ENTR1: variants seen among roughly 807,000 people sequenced by gnomAD.
The protein encoded by ENTR1 is endosome associated trafficking regulator 1, also known as endosome-associated-trafficking regulator 1.
ENTR1 carries 47 observed loss-of-function variants against 47.9 expected under a neutral mutation model. That is an observed-to-expected ratio of 0.98 (90% confidence interval 0.78 to 1.25). ENTR1 has a LOEUF of 1.25. ENTR1 is among the 50% of genes most tolerant of loss of function. The pLI is 0.00. For missense variants in ENTR1, 668 were observed against 570.5 expected (o/e 1.17, Z -1.74); for synonymous variants, 290 against 245.8 (o/e 1.18, Z -1.68).
chr9:136,409,243 C>T (rs914908648), intron 2 of ENTR1, among the ~76,000 whole-genome samples, 176 bp from the exon 3 acceptor site: 7 of 150,716 alleles, frequency 4.6e-5, no homozygotes, highest in Non-Finnish European at 8.8e-5. Flanking sequence ...TGCAGTGGTG[C>T]GATCTCGGCT....
rs776777519 is a variant in ENTR1 at position 136,402,796 on chromosome 9, C to T, written c.1300G>A (p.Asp434Asn). 1.2e-6 allele frequency: 2 copies of T among 1,612,248 alleles called. No individual in the cohort carries two copies. Among genetic ancestry groups the T allele is most frequent in the Non-Finnish European group, 1.7e-6 (2 of 1,179,208 alleles). Residue 434 changes from aspartate (D) to asparagine (N), a missense_variant, in exon 10 of 10, where the codon GAC (aspartate) becomes AAC (asparagine). By Grantham distance (23) the Asp-to-Asn change is conservative. Coordinates refer to ENST00000357365, the MANE Select transcript of ENTR1 (RefSeq NM_001039707.2). ...AGAACACCCAGGGGTCCTCAAGAGT[C>T]TTCCTCCTCGTCTTTAACTTCAGAA... ...RISEVKDEEEDS is the reference protein window; with the variant it reads ...RISEVKDEEENS
At chr9:136,402,940 C>T (rs1440571903) in intron 9 of ENTR1, 53 bp from the exon 10 acceptor site, 1 of 1,283,298 alleles carries the variant, frequency 7.8e-7, no homozygotes, top group Non-Finnish European at 1.1e-6. Context: ...TCAGCAGCAA[C>T]AGGGTTCTGG....
At chr9:136,404,555 T>C in intron 8 of ENTR1, 76 bp downstream of exon 8, 2 of 1,489,356 alleles carry the variant, frequency 1.3e-6, no homozygotes, top group South Asian at 1.1e-5. Context: ...GCAGAGTCTT[T>C]CGCCTCTTTC....
At chr9:136,410,063 C>A (rs376782744) in intron 2 of ENTR1, 27 bp downstream of exon 2, 1 of 1,612,376 alleles carries the variant, frequency 6.2e-7, no homozygotes. Flanking sequence ...TGGAAGCGTC[C>A]CCGGGGCCGG....
Position 136,407,198 on chromosome 9 carries a change from C to T in ENTR1, c.766G>A (p.Gly256Arg). 6.2e-7 allele frequency: 1 copy of T among 1,612,558 alleles called. No homozygotes were observed. The highest frequency in any genetic ancestry group is 8.5e-7 in the Non-Finnish European group (1 of 1,179,598). The change falls in exon 5 of 10, where the codon GGA (glycine) becomes AGA (arginine). Residue 256 changes from glycine (G) to arginine (R), a missense_variant. Physicochemically the swap from Gly to Arg is moderately radical, Grantham distance 125 (BLOSUM62 -2). Transcript: ENST00000357365. ...AGGTGCCTGTCTCCCAGAGACTCTC[C>T]ATGAACCGCAAAGTCTGCGCTAGGA... ...GSPSADFAVH[G>R]ESLGDRHLRT...
Position 136,410,399 on chromosome 9 carries a change from G to C in ENTR1, c.-2C>G. ...CGGGCGGCGCTGGTAGCCCGACATCGCCGCCGGCCCGGCGGGGCACGACCT... is the reference window on the plus strand; with the variant it reads ...CGGGCGGCGCTGGTAGCCCGACATCCCCGCCGGCCCGGCGGGGCACGACCT... On this transcript the variant is annotated 5_prime_UTR_variant, in exon 1 of 10. Transcript: ENST00000357365. The C allele has an allele frequency of 7.3e-7, 1 of 1,374,200 alleles. No individual in the cohort carries two copies. The highest frequency in any genetic ancestry group is 9.3e-7 in the Non-Finnish European group (1 of 1,072,932). 85.1% of individuals were successfully genotyped at this position (1,374,200 alleles called of 1,614,324 possible).
intron 8 of ENTR1, 96 bp downstream of exon 8, chr9:136,404,535 G>A: frequency 7.4e-7 from 1 of 1,343,148 alleles, no homozygotes; most frequent in Non-Finnish European, 1.1e-6. Context: ...TGGGCTCAGG[G>A]GAAACCCCAG....
Position 136,404,184 on chromosome 9 carries a change from G to T in ENTR1, c.1079C>A (p.Ser360Tyr). 1.2e-6 allele frequency: 2 copies of T among 1,608,428 alleles called. No homozygotes were observed. Among genetic ancestry groups the T allele is most frequent in the Non-Finnish European group, 1.7e-6 (2 of 1,176,824 alleles). Reference sequence around the variant, plus strand: ...GGCTTCATTCTCTCGCTGGAAGTTGGAGACCTGCGCCTGGGGGGACGGTTA... The same window carrying T: ...GGCTTCATTCTCTCGCTGGAAGTTGTAGACCTGCGCCTGGGGGGACGGTTA... ...QEISLLQAQV[S>Y]NFQRENEALR... The change falls in exon 9 of 10, where the codon TCC becomes TAC. Residue 360 changes from serine to tyrosine, a missense_variant. Ser to Tyr is a moderately radical substitution (Grantham distance 144, BLOSUM62 -2). Transcript: ENST00000357365.
In ENTR1 at chr9:136,408,877, C is replaced by A. The variant is rs1194560515; in HGVS notation, c.289+122G>T. 37 of 698,632 alleles carry A rather than the reference C, an allele frequency of 5.3e-5. No individual in the cohort carries two copies. In the East Asian group the frequency reaches 1.1e-3, roughly 21 times the overall value. 43.3% of individuals were successfully genotyped at this position (698,632 alleles called of 1,614,324 possible). ...AAGACTGAACCCTTGAAATCCCACC[C>A]CCACCTGCTCTTTTGGGCTCCAGCT... On this transcript the variant is annotated intron_variant, in intron 3 of 9. Transcript: ENST00000357365.
In ENTR1 at chr9:136,405,175, T is replaced by G. The variant is rs749854795; in HGVS notation, c.921A>C (p.Glu307Asp). The change falls in exon 7 of 10, where the codon GAA (glutamate) becomes GAC (aspartate). Residue 307 changes from glutamate to aspartate, a missense_variant. Transcript: ENST00000357365. ...EMVRTLERKL[E>D]AKMIKEESDY... is the part of the protein sequence containing the mutation. The stretch of plus-strand genomic sequence containing the variant: ...CGCTTTCCTCCTTGATCATTTTTGC[T>G]TCTAACTTCCGCTCAAGCGTCCTCA... 2.5e-6 allele frequency: 4 copies of G among 1,614,082 alleles called. No homozygotes were observed. The highest frequency in any genetic ancestry group is 3.4e-6 in the Non-Finnish European group (4 of 1,180,000).
chr9:136,406,048 G>T, intron 5 of ENTR1, 70 bp from the exon 6 acceptor site: 1 of 1,136,676 alleles, frequency 8.8e-7, no homozygotes, highest in Non-Finnish European at 1.3e-6. Flanking sequence ...CTTCTGCGGT[G>T]TGGCTCCAGA....
Position 136,407,927 on chromosome 9 carries a change from C to CA in ENTR1, c.300dup (p.Glu101Ter). ...AATGGATTTGCCTCTTCCAGATCTT[C>CA]AAATCTGTCATCTGAAATAACAGAC... On this transcript the variant is annotated frameshift_variant, in exon 4 of 10. Coordinates refer to ENST00000357365, the MANE Select transcript of ENTR1 (RefSeq NM_001039707.2). LOFTEE classifies it high-confidence loss of function. 6.3e-7 allele frequency: 1 copy of CA among 1,598,584 alleles called. No individual in the cohort carries two copies. Among genetic ancestry groups the CA allele is most frequent in the Non-Finnish European group, 8.6e-7 (1 of 1,166,024 alleles).
chr9:136,410,108 C>A lies in ENTR1; in HGVS notation c.202G>T (p.Ala68Ser). The A allele has an allele frequency of 6.2e-7, 1 of 1,612,848 alleles. No homozygotes were observed. Among genetic ancestry groups the A allele is most frequent in the South Asian group, 1.1e-5 (1 of 91,066 alleles). Residue 68 changes from alanine (A) to serine (S), a missense_variant, in exon 2 of 10, where the codon GCT becomes TCT. Transcript: ENST00000357365. ...CTCTCACCTGTGTCTCCCACGGAAGCCAGCACCGGGCTGGGCACATAGCAC... is the reference window on the plus strand; with the variant it reads ...CTCTCACCTGTGTCTCCCACGGAAGACAGCACCGGGCTGGGCACATAGCAC... Reference protein sequence around the residue: ...FMCYVPSPVLASVGDTDFGYG... With the variant: ...FMCYVPSPVLSSVGDTDFGYG...
At chr9:136,406,875 G>A (rs990229783) in intron 5 of ENTR1, 6 of 370,554 alleles carry the variant, frequency 1.6e-5, no homozygotes, top group African/African-American at 1.2e-4. Flanking sequence ...GCTGGCGACT[G>A]CAGCCTGCCT....
Position 136,403,995 on chromosome 9 carries a change from C to T in ENTR1, c.1208+60G>A, listed in dbSNP as rs926994967. The T allele has an allele frequency of 1.7e-5, 26 of 1,512,046 alleles. 1 individual carries two copies. The Middle Eastern group carries it at 9.8e-4, about 57-fold the overall frequency. 93.7% of individuals were successfully genotyped at this position (1,512,046 alleles called of 1,614,324 possible). A position where few individuals can be genotyped will look rare whatever the true frequency, so the allele number is the denominator to read the frequency against. On this transcript the variant is annotated intron_variant, in intron 9 of 9. Coordinates refer to ENST00000357365, the MANE Select transcript of ENTR1 (RefSeq NM_001039707.2). ...CTGGGCCCCCACCCAGGATCACTGA[C>T]GACCACTCCAATCTCACCCCTTTCC...
At chr9:136,404,034 C>T (rs759327843) in intron 9 of ENTR1, 21 bp downstream of exon 9, 21 of 1,557,546 alleles carry the variant, frequency 1.3e-5, no homozygotes, top group Admixed American at 1.9e-5. Flanking sequence ...CCAGGCTTCC[C>T]GGTGCCTCCC....
intron 9 of ENTR1, among the ~76,000 whole-genome samples, chr9:136,403,275 G>C (rs1475793546): frequency 1.4e-5 from 2 of 140,612 alleles, no homozygotes; most frequent in African/African-American, 2.7e-5. Context: ...CAGAATTCTG[G>C]GGGGAGAAAC....
intron 8 of ENTR1, 112 bp from the exon 9 acceptor site, chr9:136,404,306 G>A: frequency 1.4e-6 from 2 of 1,422,452 alleles, no homozygotes; most frequent in Non-Finnish European, 9.6e-7. Context: ...CAAGATGCAT[G>A]CTCTGGCCTA....
chr9:136,402,691 A>G lies in ENTR1; in HGVS notation c.*97T>C, dbSNP rs1834540922. On this transcript the variant is annotated 3_prime_UTR_variant, in exon 10 of 10. Coordinates refer to ENST00000357365, the MANE Select transcript of ENTR1 (RefSeq NM_001039707.2). The stretch of plus-strand genomic sequence containing the variant: ...TGCGATCAACACTTTACTCTGGGTG[A>G]AGACTGCATATTTAAGGACACAACT... The G allele has an allele frequency of 2.7e-5, 22 of 806,654 alleles. No homozygotes were observed. In the South Asian group the frequency reaches 3.2e-4, roughly 12 times the overall value. The allele number at this position is 806,654 out of a possible 1,614,324, so 50.0% of individuals were successfully genotyped here. A position where few individuals can be genotyped will look rare whatever the true frequency, so the allele number is the denominator to read the frequency against.
Sources: gnomAD v4.1 joint callset for allele counts (sites outside exome capture counted in the v4.1 genomes callset) on GRCh38, gnomAD v4.1.1 for gene constraint, MANE v1.5 for transcripts, NCBI Gene and HGNC (gene_info 2026-07-23, HGNC 2026-07-21) for gene names.